Variants in TTC39C observed in about 807,000 individuals in gnomAD.
TTC39C encodes the protein tetratricopeptide repeat domain 39C, also known as tetratricopeptide repeat protein 39C.
A neutral mutation model predicts 76.3 loss-of-function variants in TTC39C; 33 were observed. The ratio of observed to expected loss-of-function variants is 0.43; its 90% confidence interval spans 0.33 to 0.58. The LOEUF (loss-of-function observed/expected upper bound fraction) is 0.58, where lower values mean the gene tolerates loss of function less well. Ranked by LOEUF, TTC39C falls within the 20% of genes least tolerant of loss-of-function variation. The pLI, the probability that TTC39C is intolerant of heterozygous loss-of-function variation, is 0.04. For synonymous variants in TTC39C, 254 were observed against 260.6 expected (o/e 0.97, Z 0.24); for missense variants, 595 against 701.4 (o/e 0.85, Z 1.71).
At chr18:24,126,354 A>C (rs535957688) in intron 10 of TTC39C, among the ~76,000 whole-genome samples, 64 of 151,874 alleles carry the variant, frequency 4.2e-4, no homozygotes, top group Non-Finnish European at 7.6e-4. Flanking sequence ...TTTTTGACCA[A>C]ATATAGCATG....
chr18:24,130,804 A>G (rs1016468964), intron 12 of TTC39C, among the ~76,000 whole-genome samples: 2 of 152,018 alleles, frequency 1.3e-5, no homozygotes, highest in African/African-American at 4.8e-5. Context: ...ATGTTACTGT[A>G]TTGAATACTG....
intron 6 of TTC39C, among the ~76,000 whole-genome samples, chr18:24,098,787 A>G (rs1051549180): frequency 6.6e-6 from 1 of 151,424 alleles, no homozygotes; most frequent in South Asian, 2.1e-4. Flanking sequence ...GCCCAACACC[A>G]CACCTGGCTA....
rs565997977 is a variant in TTC39C, at chr18:24,020,659, G to A, written c.167+5621G>A. 1.2e-4 allele frequency among the ~76,000 whole-genome samples: 19 copies of A among 152,286 alleles called. No individual in the cohort carries two copies. In the South Asian group the frequency reaches 2.1e-3, roughly 17 times the overall value. Reference sequence around the variant, plus strand: ...ACTTATAATACCTAACATCATGTAAGTGCTATGTAGATAGTTGTTATACTG... The same window carrying A: ...ACTTATAATACCTAACATCATGTAAATGCTATGTAGATAGTTGTTATACTG... On this transcript the variant is annotated intron_variant, in intron 1 of 13. Transcript: ENST00000317571.
intron 1 of TTC39C, among the ~76,000 whole-genome samples, chr18:24,051,033 G>T (rs150017899): frequency 6.6e-6 from 1 of 152,158 alleles, no homozygotes; most frequent in Non-Finnish European, 1.5e-5. Flanking sequence ...GCAATAGTCC[G>T]TAGGAAGTAA....
At position 24,080,897 on chromosome 18, in the gene TTC39C, T is replaced by C; in HGVS notation, c.773T>C (p.Met258Thr). The C allele has an allele frequency of 1.2e-6, 2 of 1,614,086 alleles. No homozygotes were observed. The highest frequency in any genetic ancestry group is 1.7e-6 in the Non-Finnish European group (2 of 1,179,992). Residue 258 changes from methionine to threonine, a missense_variant, in exon 5 of 14, where the codon ATG becomes ACG. Transcript: ENST00000317571. ...GDRLQGLSSL[M>T]YASESKDMKA... ...CGCCTACAGGGGCTTTCTTCACTGATGTATGCAAGCGAAAGTAAGGACATG... is the reference window on the plus strand; with the variant it reads ...CGCCTACAGGGGCTTTCTTCACTGACGTATGCAAGCGAAAGTAAGGACATG...
At chr18:23,996,417 G>A (rs958407729) in intron 1 of TTC39C, among the ~76,000 whole-genome samples, 2 of 152,200 alleles carry the variant, frequency 1.3e-5, no homozygotes, top group African/African-American at 4.8e-5. Flanking sequence ...ATTAAAATAA[G>A]GTCAGTGTGG....
intron 4 of TTC39C, among the ~76,000 whole-genome samples, chr18:24,078,291 T>C (rs2084332371): frequency 6.6e-6 from 1 of 152,308 alleles, no homozygotes; most frequent in Middle Eastern, 3.4e-3. Flanking sequence ...AATTGATGCA[T>C]TTAAGTAAAA....
intron 8 of TTC39C, among the ~76,000 whole-genome samples, chr18:24,119,437 C>T (rs1187682848): frequency 6.6e-6 from 1 of 152,164 alleles, no homozygotes; most frequent in African/African-American, 2.4e-5. Flanking sequence ...GACCATCTTC[C>T]ACTTCCATTC....
chr18:24,100,978 T>A (rs1358561514), intron 6 of TTC39C, among the ~76,000 whole-genome samples: 1 of 152,158 alleles, frequency 6.6e-6, no homozygotes, highest in Non-Finnish European at 1.5e-5. Flanking sequence ...ACTGTGATTC[T>A]CCAAGGGGAA....
chr18:24,014,094 C>CCTA (rs2083414808), upstream of TTC39C, among the ~76,000 whole-genome samples: 1 of 152,242 alleles, frequency 6.6e-6, no homozygotes, highest in Admixed American at 6.5e-5. Context: ...GCGCGGGGCT[C>CCTA]CGGGGAGCTG....
intron 6 of TTC39C, among the ~76,000 whole-genome samples, chr18:24,093,994 C>T (rs2084559310): frequency 6.6e-6 from 1 of 152,190 alleles, no homozygotes; most frequent in Admixed American, 6.5e-5. Flanking sequence ...AATGATTTCT[C>T]TGTAGAATGT....
chr18:24,135,367 A>T lies in TTC39C; in HGVS notation c.*2793A>T, dbSNP rs887405596. ...GCGCCTGTGGTAAATCTGTGTTAAC[A>T]TGGTGGTAGACCATGGAGAATGGGT... On this transcript the variant is annotated 3_prime_UTR_variant, in exon 14 of 14. Coordinates refer to ENST00000317571, the MANE Select transcript of TTC39C (RefSeq NM_001135993.2). 1 of 152,534 alleles carries T rather than the reference A, an allele frequency of 6.6e-6. No individual in the cohort carries two copies. Among genetic ancestry groups the T allele is most frequent in the Non-Finnish European group, 1.5e-5 (1 of 68,038 alleles). The allele number at this position is 152,534 out of a possible 1,614,324, so 9.4% of individuals were successfully genotyped here.
intron 1 of TTC39C, among the ~76,000 whole-genome samples, chr18:24,045,280 A>AAAAAAAG (rs1383444695): frequency 6.6e-6 from 1 of 151,128 alleles, no homozygotes; most frequent in Non-Finnish European, 1.5e-5. Flanking sequence ...AAAAAAAAAA[A>AAAAAAAG]AAAGCATGTA....
chr18:24,107,419 C>A (rs1318717978), intron 6 of TTC39C, among the ~76,000 whole-genome samples: 1 of 152,092 alleles, frequency 6.6e-6, no homozygotes, highest in African/African-American at 2.4e-5. Context: ...CCCAAATTTC[C>A]TCTTGAATTT....
intron 1 of TTC39C, among the ~76,000 whole-genome samples, chr18:24,057,940 A>G (rs372129113): frequency 1.3e-5 from 2 of 152,262 alleles, no homozygotes; most frequent in East Asian, 3.8e-4. Context: ...AGACTGGATA[A>G]AGAAAATGTG....
chr18:24,090,468 G>T (rs1341824781), intron 6 of TTC39C, among the ~76,000 whole-genome samples: 1 of 152,098 alleles, frequency 6.6e-6, no homozygotes, highest in African/African-American at 2.4e-5. Flanking sequence ...CTGCTGAAAA[G>T]ATATCCATGT....
At chr18:24,106,253 CCCTT>C (rs2084744163) in intron 6 of TTC39C, among the ~76,000 whole-genome samples, 2 of 152,186 alleles carry the variant, frequency 1.3e-5, no homozygotes, top group Non-Finnish European at 2.9e-5. Context: ...GCGTTTCTCT[CCCTT>C]TTTATGCAGA....
intron 4 of TTC39C, among the ~76,000 whole-genome samples, chr18:24,069,702 G>T (rs1312483310): frequency 6.6e-6 from 1 of 152,176 alleles, no homozygotes; most frequent in Non-Finnish European, 1.5e-5. Flanking sequence ...GATCATTAAA[G>T]ATTTGCTAAT....
At chr18:24,072,587 G>A (rs1053107514) in intron 4 of TTC39C, among the ~76,000 whole-genome samples, 4 of 152,174 alleles carry the variant, frequency 2.6e-5, no homozygotes, top group African/African-American at 7.2e-5. Context: ...ATGGGCCACC[G>A]TGCCCGGTCA....
Sources: allele counts gnomAD v4.1 joint callset (sites outside exome capture counted in the v4.1 genomes callset), GRCh38; gene constraint gnomAD v4.1.1; transcripts MANE v1.5; gene names NCBI Gene and HGNC (gene_info 2026-07-23, HGNC 2026-07-21).